FOXP2: variants seen among roughly 807,000 people sequenced by gnomAD.
FOXP2 encodes forkhead box P2.
A neutral mutation model predicts 115.8 loss-of-function variants in FOXP2; 12 were observed. The observed-to-expected ratio is 0.10, with a 90% CI of 0.07 to 0.17. The LOEUF is 0.17. Ranked by LOEUF, FOXP2 falls within the 10% of genes least tolerant of loss-of-function variation. FOXP2 has a pLI of 1.00. For missense variants in FOXP2, 629 were observed against 843.5 expected, an observed-to-expected ratio of 0.75 and a Z score of 3.15; for synonymous variants, 328 against 297.7, an observed-to-expected ratio of 1.10 and a Z score of -1.05.
chr7:114,417,972 ATGT>A (rs1562913841), intron 1 of FOXP2, among the ~76,000 whole-genome samples: 1 of 151,948 alleles, frequency 6.6e-6, no homozygotes, highest in East Asian at 1.9e-4. Context: ...GCATCTTAAA[ATGT>A]TGTAGAAAGT....
intron 1 of FOXP2, among the ~76,000 whole-genome samples, chr7:114,182,175 G>A (rs1296740274): frequency 6.6e-6 from 1 of 151,728 alleles, no homozygotes; most frequent in Non-Finnish European, 1.5e-5. Flanking sequence ...TAAAATAAAT[G>A]ATGGTGTCTT....
intron 3 of FOXP2, among the ~76,000 whole-genome samples, chr7:114,544,747 A>G (rs1258857626): frequency 6.6e-6 from 1 of 152,226 alleles, no homozygotes; most frequent in Admixed American, 6.5e-5. Context: ...TATTCTCTCT[A>G]CATTCTACCT....
rs187582046 is a variant in FOXP2, at chr7:114,329,814, T to C, written c.-11+41705T>C. ...GCCTCAGCCTCCCAAGTCGCTGGGA[T>C]TACAGGCACGTGCCACCATACCTGG... On this transcript the variant is annotated intron_variant, in intron 2 of 17. Coordinates refer to the FOXP2 transcript ENST00000634411. 2.3e-3 allele frequency among the ~76,000 whole-genome samples: 350 copies of C among 151,986 alleles called. 2 individuals are homozygous for C. The highest frequency in any genetic ancestry group is 8.0e-3 in the African/African-American group (334 of 41,500).
chr7:114,396,085 G>T (rs929645513), intron 2 of FOXP2, among the ~76,000 whole-genome samples: 1 of 151,738 alleles, frequency 6.6e-6, no homozygotes. Context: ...ACCCTATTGT[G>T]CTATCAAATA....
At position 114,644,685 on chromosome 7, in the gene FOXP2, C is replaced by T; in HGVS notation, c.990C>T (p.Ser330=). The T allele has an allele frequency of 6.2e-7, 1 of 1,613,082 alleles. No individual in the cohort carries two copies. The highest frequency in any genetic ancestry group is 8.5e-7 in the Non-Finnish European group (1 of 1,179,068). The change falls in exon 8 of 17, where the codon AGC becomes AGT. Residue 330 remains serine, a splice_region_variant and synonymous_variant. Transcript: ENST00000350908. ...QSSVLSARRD[S]SSHEETGASH... is the part of the protein sequence containing the mutation. The stretch of plus-strand genomic sequence containing the variant: ...CTGACGTCGTGTTCTTTTGCTACAG[C>T]TCGTCACATGAGGAGACTGGGGCCT...
intron 3 of FOXP2, among the ~76,000 whole-genome samples, chr7:114,595,561 G>C (rs1319023087): frequency 6.6e-6 from 1 of 152,004 alleles, no homozygotes; most frequent in African/African-American, 2.4e-5. Flanking sequence ...AATGTAAACA[G>C]TATAGATACT....
intron 1 of FOXP2, among the ~76,000 whole-genome samples, chr7:114,271,071 A>G (rs558816308): frequency 1.3e-5 from 2 of 151,796 alleles, no homozygotes; most frequent in South Asian, 4.2e-4. Context: ...AGTTAAATTG[A>G]CATAATTATG....
At chr7:114,577,338 G>T (rs890161260) in intron 3 of FOXP2, among the ~76,000 whole-genome samples, 6 of 151,810 alleles carry the variant, frequency 4.0e-5, no homozygotes, top group African/African-American at 1.5e-4. Context: ...TAACAATGGC[G>T]TTCAGAAAGC....
intron 3 of FOXP2, 51 bp downstream of exon 3, chr7:114,534,757 A>G: frequency 7.1e-7 from 1 of 1,409,928 alleles, no homozygotes; most frequent in Non-Finnish European, 1.0e-6. Context: ...GATGTTCATA[A>G]TGATAACAGA....
intron 2 of FOXP2, among the ~76,000 whole-genome samples, chr7:114,395,861 TTTTC>T (rs1485580469): frequency 6.6e-6 from 1 of 151,694 alleles, no homozygotes; most frequent in African/African-American, 2.4e-5. Context: ...GGGGGTCACG[TTTTC>T]TTTCTTTTTT....
chr7:114,386,145 G>A (rs1414584116), intron 2 of FOXP2, among the ~76,000 whole-genome samples: 2 of 152,166 alleles, frequency 1.3e-5, no homozygotes, highest in African/African-American at 2.4e-5. Flanking sequence ...GGGAGTCGGC[G>A]GTGGGTCTGC....
chr7:114,378,660 T>G (rs1023354513), intron 2 of FOXP2, among the ~76,000 whole-genome samples: 2 of 86,092 alleles, frequency 2.3e-5, no homozygotes, highest in Non-Finnish European at 4.2e-5. Flanking sequence ...CTCCAGCCTG[T>G]GAGACAATGT....
intron 2 of FOXP2, among the ~76,000 whole-genome samples, chr7:114,527,101 G>T (rs1328768691): frequency 6.7e-6 from 1 of 149,404 alleles, no homozygotes; most frequent in Non-Finnish European, 1.5e-5. Flanking sequence ...TTAGCATAAT[G>T]TTTTCAAGGT....
intron 2 of FOXP2, among the ~76,000 whole-genome samples, chr7:114,501,138 A>G (rs185260560): frequency 2.2e-4 from 34 of 152,280 alleles, no homozygotes; most frequent in Middle Eastern, 3.4e-3. Context: ...CAACAGAACT[A>G]CAGATGCTTG....
At chr7:114,324,850 A>T (rs1344396196) in intron 2 of FOXP2, among the ~76,000 whole-genome samples, 1 of 151,836 alleles carries the variant, frequency 6.6e-6, no homozygotes, top group Non-Finnish European at 1.5e-5. Flanking sequence ...AAAGGGATTT[A>T]TATGTTTTAT....
At chr7:114,589,951 A>G (rs1802361735) in intron 3 of FOXP2, among the ~76,000 whole-genome samples, 1 of 152,048 alleles carries the variant, frequency 6.6e-6, no homozygotes, top group East Asian at 1.9e-4. Flanking sequence ...TTGTTTTAAA[A>G]ACAGAGAGAA....
chr7:114,296,046 A>C (rs1796735270), intron 2 of FOXP2, among the ~76,000 whole-genome samples: 1 of 152,224 alleles, frequency 6.6e-6, no homozygotes. Flanking sequence ...GCCCATAAAG[A>C]AAGCAAAGCA....
intron 2 of FOXP2, among the ~76,000 whole-genome samples, chr7:114,482,152 G>A (rs1366513608): frequency 3.3e-5 from 5 of 151,338 alleles, no homozygotes; most frequent in South Asian, 2.1e-4. Flanking sequence ...CCTACTTGTT[G>A]TGCTACTATT....
rs746400429 is a variant in FOXP2 at position 114,689,918 on chromosome 7, C to G, written c.2140C>G (p.Leu714Val). Residue 714 changes from leucine to valine, a missense_variant, in exon 17 of 17, where the codon CTG becomes GTG. Physicochemically the swap from Leu to Val is conservative, Grantham distance 32 (BLOSUM62 1). Transcript: ENST00000350908. ...EIEEEPLSEDLE is the reference protein window; with the variant it reads ...EIEEEPLSEDVE Reference sequence around the variant, plus strand: ...TGAAGAAGAGCCTTTATCTGAAGATCTGGAATGAGAACTGACTTGTGAAAC... The same window carrying G: ...TGAAGAAGAGCCTTTATCTGAAGATGTGGAATGAGAACTGACTTGTGAAAC... 2 of 1,613,128 alleles carry G rather than the reference C, an allele frequency of 1.2e-6. No individual in the cohort carries two copies. The highest frequency in any genetic ancestry group is 2.7e-5 in the African/African-American group (2 of 74,956).
Sources: allele counts gnomAD v4.1 joint callset (sites outside exome capture counted in the v4.1 genomes callset), GRCh38; gene constraint gnomAD v4.1.1; transcripts MANE v1.5; gene names NCBI Gene and HGNC (gene_info 2026-07-23, HGNC 2026-07-21).